Variants in SPOCK1 observed in about 807,000 individuals in gnomAD.
SPOCK1 encodes SPARC (osteonectin), cwcv and kazal like domains proteoglycan 1.
A neutral mutation model predicts 55.3 loss-of-function variants in SPOCK1; 23 were observed. The observed-to-expected ratio is 0.42, with a 90% CI of 0.30 to 0.59. The LOEUF (loss-of-function observed/expected upper bound fraction) is 0.59. Ranked by LOEUF, SPOCK1 falls within the 20% of genes least tolerant of loss-of-function variation. The probability of loss-of-function intolerance (pLI) is 0.22; values close to 1 mark genes in which losing one functional copy is unlikely to be tolerated. For missense variants in SPOCK1, 499 were observed against 552.5 expected, an observed-to-expected ratio of 0.90 and a Z score of 0.97; for synonymous variants, 226 against 221.0, an observed-to-expected ratio of 1.02 and a Z score of -0.20.
intron 2 of SPOCK1, among the ~76,000 whole-genome samples, chr5:137,309,882 C>T (rs1053374996): frequency 2.0e-5 from 3 of 152,050 alleles, no homozygotes; most frequent in Non-Finnish European, 4.4e-5. Context: ...TCTACTTTTC[C>T]AAGAGGGTCT....
At chr5:137,354,203 T>C (rs1455289871) in intron 2 of SPOCK1, among the ~76,000 whole-genome samples, 3 of 152,176 alleles carry the variant, frequency 2.0e-5, no homozygotes, top group Admixed American at 1.3e-4. Flanking sequence ...CTCGCCACAC[T>C]AAGCACCAAT....
At chr5:137,351,977 C>T (rs1257928349) in intron 2 of SPOCK1, among the ~76,000 whole-genome samples, 3 of 152,144 alleles carry the variant, frequency 2.0e-5, no homozygotes, top group African/African-American at 7.2e-5. Flanking sequence ...ATGTTAAGGC[C>T]ATTCTGTAAG....
intron 3 of SPOCK1, among the ~76,000 whole-genome samples, chr5:137,155,050 G>A (rs1754389468): frequency 1.3e-5 from 2 of 152,206 alleles, no homozygotes; most frequent in Admixed American, 6.5e-5. Context: ...ACATCTCCCT[G>A]ATATGGTGGT....
At chr5:137,192,316 G>C (rs1001706858) in intron 3 of SPOCK1, among the ~76,000 whole-genome samples, 4 of 152,020 alleles carry the variant, frequency 2.6e-5, no homozygotes, top group Admixed American at 6.6e-5. Context: ...TGGAGAGACG[G>C]AGGGAGGAAT....
chr5:137,468,504 C>T (rs1398135051), intron 2 of SPOCK1, among the ~76,000 whole-genome samples: 2 of 152,158 alleles, frequency 1.3e-5, no homozygotes, highest in South Asian at 2.1e-4. Context: ...TTAACAGTTG[C>T]TCATTATAGC....
chr5:137,339,210 A>G (rs1750358903), intron 2 of SPOCK1, among the ~76,000 whole-genome samples: 1 of 152,210 alleles, frequency 6.6e-6, no homozygotes, highest in Admixed American at 6.5e-5. Flanking sequence ...CCTTTGGGAA[A>G]CCAGCTGTCC....
chr5:137,169,390 C>T (rs1482064090), intron 3 of SPOCK1, among the ~76,000 whole-genome samples: 1 of 152,156 alleles, frequency 6.6e-6, no homozygotes, highest in Non-Finnish European at 1.5e-5. Flanking sequence ...CCCCATTTGT[C>T]CCCATGTGAT....
intron 2 of SPOCK1, among the ~76,000 whole-genome samples, chr5:137,338,019 AT>A (rs1268692925): frequency 2.6e-5 from 4 of 151,900 alleles, no homozygotes; most frequent in African/African-American, 9.7e-5. Context: ...CCTCTGTATT[AT>A]TTTTTTATTA....
intron 6 of SPOCK1, among the ~76,000 whole-genome samples, chr5:137,063,666 T>G (rs1752440158): frequency 6.6e-6 from 1 of 152,190 alleles, no homozygotes; most frequent in African/African-American, 2.4e-5. Context: ...CTCCTCTCCA[T>G]AATTCTCCCC....
At chr5:137,487,396 G>A (rs1207831017) in intron 2 of SPOCK1, among the ~76,000 whole-genome samples, 1 of 148,954 alleles carries the variant, frequency 6.7e-6, no homozygotes, top group Non-Finnish European at 1.5e-5. Flanking sequence ...ACCAAAAAGA[G>A]AGTATCAGGT....
intron 6 of SPOCK1, among the ~76,000 whole-genome samples, chr5:137,039,286 T>TTG (rs1751945483): frequency 7.0e-6 from 1 of 142,442 alleles, no homozygotes; most frequent in Non-Finnish European, 1.5e-5. Flanking sequence ...TTTTTTTTTT[T>TTG]TTTTTTTTTT....
chr5:137,052,861 T>C (rs1752231016), intron 6 of SPOCK1, among the ~76,000 whole-genome samples: 1 of 152,206 alleles, frequency 6.6e-6, no homozygotes. Context: ...AAGTGTTCTA[T>C]AATAAATATG....
chr5:137,393,928 T>A (rs1751784227), intron 2 of SPOCK1, among the ~76,000 whole-genome samples: 1 of 152,234 alleles, frequency 6.6e-6, no homozygotes, highest in Non-Finnish European at 1.5e-5. Flanking sequence ...GTTCAAATGA[T>A]GAGTTATGTT....
chr5:137,488,860 AC>A (rs1422603341), intron 2 of SPOCK1, among the ~76,000 whole-genome samples: 1 of 152,178 alleles, frequency 6.6e-6, no homozygotes, highest in Non-Finnish European at 1.5e-5. Context: ...GTCCCAGATC[AC>A]ACAGGAAGGG....
chr5:137,459,430 CAG>C (rs1338979020), intron 2 of SPOCK1, among the ~76,000 whole-genome samples: 4 of 145,140 alleles, frequency 2.8e-5, no homozygotes, highest in Admixed American at 7.2e-5. Flanking sequence ...CTTCTACAAA[CAG>C]AGAGAGGCTA....
chr5:137,334,510 G>A (rs138018459), intron 2 of SPOCK1, among the ~76,000 whole-genome samples: 1 of 152,168 alleles, frequency 6.6e-6, no homozygotes, highest in East Asian at 1.9e-4. Context: ...TTTGGTCGCA[G>A]AACGCGTTCC....
intron 2 of SPOCK1, among the ~76,000 whole-genome samples, chr5:137,363,883 G>A (rs1010696941): frequency 2.0e-5 from 3 of 152,232 alleles, no homozygotes; most frequent in Non-Finnish European, 4.4e-5. Flanking sequence ...GGCTTGAGAT[G>A]CACAAATCCA....
chr5:137,413,889 A>G (rs569730936), intron 2 of SPOCK1, among the ~76,000 whole-genome samples: 9 of 152,300 alleles, frequency 5.9e-5, no homozygotes, highest in Admixed American at 3.3e-4. Flanking sequence ...ATTCATGACA[A>G]GAATCTGAAT....
At chr5:137,139,256 G>A (rs1754047095) in intron 4 of SPOCK1, among the ~76,000 whole-genome samples, 1 of 152,292 alleles carries the variant, frequency 6.6e-6, no homozygotes, top group South Asian at 2.1e-4. Context: ...GACCCTGGAT[G>A]CTAGGTCTAT....
Sources: allele counts gnomAD v4.1 joint callset (sites outside exome capture counted in the v4.1 genomes callset), GRCh38; gene constraint gnomAD v4.1.1; transcripts MANE v1.5; gene names NCBI Gene and HGNC (gene_info 2026-07-23, HGNC 2026-07-21).